Variants in CNTNAP5 observed in about 807,000 individuals in gnomAD.
The protein encoded by CNTNAP5 is contactin associated protein family member 5.
CNTNAP5 carries 72 observed loss-of-function variants against 150.2 expected under a neutral mutation model. That is an observed-to-expected ratio of 0.48 (90% confidence interval 0.40 to 0.58). The LOEUF (loss-of-function observed/expected upper bound fraction) is 0.58. Ranked by LOEUF, CNTNAP5 falls within the 20% of genes least tolerant of loss-of-function variation. The pLI, the probability that CNTNAP5 is intolerant of heterozygous loss-of-function variation, is 0.00. For missense variants in CNTNAP5, 1,636 were observed against 1,626.2 expected (o/e 1.01, Z -0.10); for synonymous variants, 672 against 619.8 (o/e 1.08, Z -1.25).
At chr2:124,272,811 TA>T (rs1209214141) in intron 3 of CNTNAP5, among the ~76,000 whole-genome samples, 1 of 152,214 alleles carries the variant, frequency 6.6e-6, no homozygotes, top group Non-Finnish European at 1.5e-5. Context: ...ATTTCATTAA[TA>T]TTTTTATGAA....
At chr2:124,812,443 A>C (rs1682257209) in intron 19 of CNTNAP5, among the ~76,000 whole-genome samples, 1 of 151,938 alleles carries the variant, frequency 6.6e-6, no homozygotes, top group Admixed American at 6.6e-5. Flanking sequence ...AGGCCATGAC[A>C]GGAAAGGGGC....
intron 10 of CNTNAP5, among the ~76,000 whole-genome samples, chr2:124,542,327 C>G (rs1366514766): frequency 6.7e-6 from 1 of 149,788 alleles, no homozygotes; most frequent in Non-Finnish European, 1.5e-5. Flanking sequence ...TAGTTTCTGC[C>G]TTAAAGAAGC....
At chr2:124,909,791 A>C (rs1678614777) in intron 22 of CNTNAP5, among the ~76,000 whole-genome samples, 1 of 129,148 alleles carries the variant, frequency 7.7e-6, no homozygotes, top group Admixed American at 8.3e-5. Flanking sequence ...AACACCCACT[A>C]TCATCATTAT....
At chr2:124,446,688 G>T in intron 5 of CNTNAP5, 65 bp from the exon 6 acceptor site, 2 of 1,494,908 alleles carry the variant, frequency 1.3e-6, no homozygotes, top group South Asian at 1.2e-5. Context: ...TGCTTGTGGA[G>T]CATTCTGGTG....
At chr2:124,110,335 C>T (rs923782042) in intron 1 of CNTNAP5, among the ~76,000 whole-genome samples, 2 of 152,140 alleles carry the variant, frequency 1.3e-5, no homozygotes, top group African/African-American at 4.8e-5. Context: ...TCAAGCCTAT[C>T]TGGACTCATA....
chr2:124,666,611 G>A (rs1169558222), intron 13 of CNTNAP5, among the ~76,000 whole-genome samples: 9 of 152,084 alleles, frequency 5.9e-5, no homozygotes, highest in Admixed American at 2.0e-4. Flanking sequence ...TTGGCCAAGG[G>A]GCGAGGGGTC....
At chr2:124,132,343 T>C (rs1169547160) in intron 1 of CNTNAP5, among the ~76,000 whole-genome samples, 2 of 152,204 alleles carry the variant, frequency 1.3e-5, no homozygotes, top group Non-Finnish European at 2.9e-5. Flanking sequence ...TCTGTATTAT[T>C]GTAGTTTGAT....
At chr2:124,359,282 G>C (rs569450929) in intron 3 of CNTNAP5, among the ~76,000 whole-genome samples, 3 of 150,478 alleles carry the variant, frequency 2.0e-5, no homozygotes, top group African/African-American at 7.3e-5. Flanking sequence ...TTTTTTGAAG[G>C]GTTTTTTGTG....
chr2:124,311,831 C>T (rs545418466), intron 3 of CNTNAP5, among the ~76,000 whole-genome samples: 2 of 152,314 alleles, frequency 1.3e-5, no homozygotes, highest in South Asian at 2.1e-4. Context: ...AAAACATGAT[C>T]TCTGCCCTTC....
intron 8 of CNTNAP5, among the ~76,000 whole-genome samples, chr2:124,511,630 A>G (rs1694593338): frequency 6.6e-6 from 1 of 152,188 alleles, no homozygotes; most frequent in African/African-American, 2.4e-5. Flanking sequence ...GAGAGAAAAC[A>G]ATAGGCCAAC....
At chr2:124,829,727 G>C (rs1361410800) in intron 19 of CNTNAP5, among the ~76,000 whole-genome samples, 1 of 151,580 alleles carries the variant, frequency 6.6e-6, no homozygotes, top group African/African-American at 2.4e-5. Flanking sequence ...ATTTGACCTA[G>C]AGCTTATTAT....
intron 3 of CNTNAP5, among the ~76,000 whole-genome samples, chr2:124,350,649 A>G (rs1400006698): frequency 6.6e-6 from 1 of 152,032 alleles, no homozygotes; most frequent in Non-Finnish European, 1.5e-5. Context: ...TTAAGAATAG[A>G]AGGTATAAAA....
chr2:124,151,176 G>A lies in CNTNAP5; in HGVS notation c.83-70529G>A, dbSNP rs115548497. Reference sequence around the variant, plus strand: ...GTCCAATGAGTACAAGGGAGAAACAGTCCATGATATGGGGTGAATTGGGCC... The same window carrying A: ...GTCCAATGAGTACAAGGGAGAAACAATCCATGATATGGGGTGAATTGGGCC... On this transcript the variant is annotated intron_variant, in intron 1 of 23. Transcript: ENST00000682447. Among the ~76,000 whole-genome samples, 743 of 152,278 alleles carry A rather than the reference G, an allele frequency of 4.9e-3. 4 individuals are homozygous for A. Among genetic ancestry groups the A allele is most frequent in the African/African-American group, 0.017 (687 of 41,556 alleles).
At chr2:124,535,185 T>C (rs1303165298) in intron 10 of CNTNAP5, among the ~76,000 whole-genome samples, 1 of 152,148 alleles carries the variant, frequency 6.6e-6, no homozygotes, top group East Asian at 1.9e-4. Context: ...ACAGTGATGC[T>C]ACCGGGGAAG....
At chr2:124,492,019 A>G (rs2104850757) in intron 7 of CNTNAP5, among the ~76,000 whole-genome samples, 1 of 152,096 alleles carries the variant, frequency 6.6e-6, no homozygotes, top group African/African-American at 2.4e-5. Flanking sequence ...TTTGTATAGT[A>G]CCCTCTTATC....
intron 19 of CNTNAP5, among the ~76,000 whole-genome samples, chr2:124,800,861 T>C (rs1681952363): frequency 6.6e-6 from 1 of 152,108 alleles, no homozygotes; most frequent in Admixed American, 6.5e-5. Flanking sequence ...CAAATATGAG[T>C]GACCATGGCC....
At chr2:124,517,395 G>A (rs112685076) in intron 8 of CNTNAP5, among the ~76,000 whole-genome samples, 1 of 151,440 alleles carries the variant, frequency 6.6e-6, no homozygotes, top group African/African-American at 2.4e-5. Flanking sequence ...GAGGGGTTGT[G>A]TTGTTGGTGA....
intron 13 of CNTNAP5, among the ~76,000 whole-genome samples, chr2:124,674,496 CCTTTCTTTCTTTCTCTTTCTTTCTTT>C (rs1172584268): frequency 9.7e-4 from 110 of 113,776 alleles, no homozygotes; most frequent in African/African-American, 1.4e-3. Flanking sequence ...CTCTCTACTT[CCTTTCTTTCTTTCTCTTTCTTTCTTT>C]CTTTCTTTCT....
At chr2:124,318,082 T>C (rs1270613952) in intron 3 of CNTNAP5, among the ~76,000 whole-genome samples, 4 of 152,180 alleles carry the variant, frequency 2.6e-5, no homozygotes, top group Non-Finnish European at 4.4e-5. Context: ...GAGCTGAGAC[T>C]GCACTGGAGG....
Sources: allele counts gnomAD v4.1 joint callset (sites outside exome capture counted in the v4.1 genomes callset), GRCh38; gene constraint gnomAD v4.1.1; transcripts MANE v1.5; gene names NCBI Gene and HGNC (gene_info 2026-07-23, HGNC 2026-07-21).